The following EVI5 variants were observed in gnomAD, a reference collection of about 807,000 sequenced individuals.
The protein encoded by EVI5 is ecotropic viral integration site 5, also known as ecotropic viral integration site 5 protein homolog.
In EVI5, 73 loss-of-function variants were observed where a neutral mutation model predicts 112.0. The observed-to-expected ratio is 0.65, with a 90% CI of 0.54 to 0.79. EVI5 has a LOEUF of 0.79. Among genes scored for constraint, EVI5 ranks in the 30% least tolerant of loss-of-function variants. The pLI is 0.00. For synonymous variants in EVI5, 305 were observed against 319.9 expected (o/e 0.95, Z 0.50); for missense variants, 900 against 968.8 (o/e 0.93, Z 0.94).
chr1:92,589,761 A>T (rs1047376259), intron 18 of EVI5, among the ~76,000 whole-genome samples: 9 of 152,206 alleles, frequency 5.9e-5, no homozygotes, highest in African/African-American at 2.2e-4. Flanking sequence ...AGCTTTGAAG[A>T]GAGTAGCGGT....
rs376378184 is a variant in EVI5 at position 92,544,237 on chromosome 1, A to C, written c.2166+19405T>G. Among the ~76,000 whole-genome samples, 33 of 152,288 alleles carry C rather than the reference A, an allele frequency of 2.2e-4. 2 individuals are homozygous for C. The East Asian group carries it at 2.5e-3, about 12-fold the overall frequency. On this transcript the variant is annotated intron_variant, in intron 19 of 19. Transcript: ENST00000684568. ...GAGCATAGGATTTCTTTTTGGAGAGATAATGTTCTAGAATTGACTGTGATG... is the reference window on the plus strand; with the variant it reads ...GAGCATAGGATTTCTTTTTGGAGAGCTAATGTTCTAGAATTGACTGTGATG...
intron 18 of EVI5, among the ~76,000 whole-genome samples, chr1:92,566,068 T>A (rs10747444): frequency 6.6e-6 from 1 of 151,742 alleles, no homozygotes; most frequent in African/African-American, 2.4e-5. Context: ...ACCCAAATTG[T>A]ATCTCTAACT....
chr1:92,755,516 T>C (rs542189292), intron 1 of EVI5, among the ~76,000 whole-genome samples: 14 of 152,342 alleles, frequency 9.2e-5, no homozygotes, highest in African/African-American at 3.4e-4. Context: ...CATTCATTCA[T>C]ACAGCTGTTT....
In EVI5 at chr1:92,713,255, T is replaced by C. The variant is rs192042594; in HGVS notation, c.150-8511A>G. Among the ~76,000 whole-genome samples, 188 of 152,026 alleles carry C rather than the reference T, an allele frequency of 1.2e-3. 1 individual carries two copies. The highest frequency in any genetic ancestry group is 4.5e-3 in the African/African-American group (185 of 41,468). ...ATCACAAGTCAAACCAGCCAGATTT[T>C]GGGTACTCAATTGCTACATATGGTT... On this transcript the variant is annotated intron_variant, in intron 2 of 19. Coordinates refer to ENST00000684568, the MANE Select transcript of EVI5 (RefSeq NM_001350197.2).
intron 2 of EVI5, among the ~76,000 whole-genome samples, chr1:92,710,268 C>T (rs1483184451): frequency 6.6e-6 from 1 of 151,430 alleles, no homozygotes; most frequent in Admixed American, 6.6e-5. Context: ...GCCTGAGCCC[C>T]GGAAGTTGAG....
intron 18 of EVI5, among the ~76,000 whole-genome samples, chr1:92,583,739 T>A (rs1276333074): frequency 6.6e-6 from 1 of 151,268 alleles, no homozygotes; most frequent in Non-Finnish European, 1.5e-5. Flanking sequence ...CTCTCTTTTT[T>A]TTTTTTTTTA....
chr1:92,779,261 A>G (rs1684552699), intron 1 of EVI5, among the ~76,000 whole-genome samples: 1 of 152,194 alleles, frequency 6.6e-6, no homozygotes, highest in African/African-American at 2.4e-5. Context: ...AGTGCCTCAC[A>G]GCTGTAGTCC....
chr1:92,686,716 T>C (rs1668591565), intron 9 of EVI5, among the ~76,000 whole-genome samples: 1 of 152,180 alleles, frequency 6.6e-6, no homozygotes, highest in East Asian at 1.9e-4. Flanking sequence ...ACAAAATCAA[T>C]GTGCAAAAAT....
intron 1 of EVI5, chr1:92,784,210 G>T: frequency 1.5e-6 from 1 of 650,416 alleles, no homozygotes; most frequent in Non-Finnish European, 1.9e-6. Context: ...GGAAATCACA[G>T]CAACTCTTTT....
At chr1:92,630,134 G>T (rs1402079224) in intron 14 of EVI5, among the ~76,000 whole-genome samples, 1 of 152,158 alleles carries the variant, frequency 6.6e-6, no homozygotes, top group Non-Finnish European at 1.5e-5. Flanking sequence ...ACATACGTGT[G>T]CATGTGTCCT....
chr1:92,604,595 G>C (rs1239561383), intron 18 of EVI5, among the ~76,000 whole-genome samples: 1 of 152,168 alleles, frequency 6.6e-6, no homozygotes, highest in Non-Finnish European at 1.5e-5. Flanking sequence ...AGTAGAATTA[G>C]ACTCTAAAAT....
chr1:92,777,902 C>T (rs1684359203), intron 1 of EVI5, among the ~76,000 whole-genome samples: 2 of 127,448 alleles, frequency 1.6e-5, no homozygotes, highest in South Asian at 5.4e-4. Flanking sequence ...GTCAAAGATG[C>T]CAAAATCTTT....
chr1:92,589,429 T>C (rs1026027883), intron 18 of EVI5, among the ~76,000 whole-genome samples: 5 of 152,100 alleles, frequency 3.3e-5, no homozygotes, highest in African/African-American at 9.7e-5. Flanking sequence ...ATACTGCACT[T>C]TTCCAATGGT....
At chr1:92,666,070 T>C (rs1322964130) in intron 10 of EVI5, 78 bp from the exon 11 acceptor site, 1 of 848,606 alleles carries the variant, frequency 1.2e-6, no homozygotes, top group East Asian at 2.4e-5. Context: ...GTCCTGAAAA[T>C]GTATCACCTT....
intron 1 of EVI5, among the ~76,000 whole-genome samples, chr1:92,753,575 G>A (rs80242474): frequency 0.011 from 1,657 of 152,120 alleles, 34 homozygotes; most frequent in African/African-American, 0.038. Context: ...TATTAAGTCT[G>A]AAATTCAGTA....
At chr1:92,568,697 C>A (rs148672234) in intron 18 of EVI5, among the ~76,000 whole-genome samples, 42 of 152,264 alleles carry the variant, frequency 2.8e-4, no homozygotes, top group African/African-American at 9.6e-4. Context: ...AGCAAGACAA[C>A]CCCTTCTCTT....
At position 92,595,327 on chromosome 1, in the gene EVI5, A is replaced by T. The variant is rs58971502; in HGVS notation, c.2070+9980T>A. On this transcript the variant is annotated intron_variant, in intron 18 of 19. Transcript: ENST00000684568. ...AACTATCACAAGGACAAAAAAACAA[A>T]CACCGCATGTTCTCACTCATAGGTG... is the stretch of plus-strand genomic sequence containing the variant. Among the ~76,000 whole-genome samples, 178 of 151,512 alleles carry T rather than the reference A, an allele frequency of 1.2e-3. 1 individual carries two copies. The highest frequency in any genetic ancestry group is 4.3e-3 in the African/African-American group (177 of 41,292).
intron 1 of EVI5, among the ~76,000 whole-genome samples, chr1:92,782,680 A>G (rs1306657653): frequency 1.3e-5 from 2 of 152,290 alleles, no homozygotes; most frequent in Admixed American, 6.5e-5. Flanking sequence ...ATGTTCAACA[A>G]TTTCTAATAC....
chr1:92,686,223 G>A (rs71634996), intron 9 of EVI5, among the ~76,000 whole-genome samples: 2 of 152,082 alleles, frequency 1.3e-5, no homozygotes, highest in African/African-American at 2.4e-5. Context: ...TTCATCCCTG[G>A]GATGCAAGGC....
Sources: gnomAD v4.1 joint callset for allele counts (sites outside exome capture counted in the v4.1 genomes callset) on GRCh38, gnomAD v4.1.1 for gene constraint, MANE v1.5 for transcripts, NCBI Gene and HGNC (gene_info 2026-07-23, HGNC 2026-07-21) for gene names.